Variants in VPS13D observed in about 807,000 individuals in gnomAD.
VPS13D encodes intermembrane lipid transfer protein VPS13D.
Under a neutral mutation model 461.9 loss-of-function variants are expected in VPS13D, and 187 were observed. The ratio of observed to expected loss-of-function variants is 0.40; its 90% confidence interval spans 0.36 to 0.46. The LOEUF (loss-of-function observed/expected upper bound fraction) is 0.46, where lower values mean the gene tolerates loss of function less well. VPS13D is among the 20% of genes least tolerant of loss of function. The pLI, the probability that VPS13D is intolerant of heterozygous loss-of-function variation, is 0.60. For missense variants in VPS13D, 4,711 were observed against 5,364.9 expected, an observed-to-expected ratio of 0.88 and a Z score of 3.81; for synonymous variants, 1,951 against 1,986.3, an observed-to-expected ratio of 0.98 and a Z score of 0.47.
intron 65 of VPS13D, among the ~76,000 whole-genome samples, chr1:12,427,701 G>A (rs1274558901): frequency 2.6e-5 from 4 of 152,186 alleles, no homozygotes; most frequent in Non-Finnish European, 4.4e-5. Context: ...CAGCGTCTGT[G>A]GATGGATGGT....
At chr1:12,333,909 A>G (rs1221701344) in intron 38 of VPS13D, among the ~76,000 whole-genome samples, 1 of 152,218 alleles carries the variant, frequency 6.6e-6, no homozygotes, top group Non-Finnish European at 1.5e-5. Context: ...AAACTGCTCT[A>G]TTGTTACAGT....
chr1:12,308,129 C>G (rs1440227323), intron 26 of VPS13D, among the ~76,000 whole-genome samples: 1 of 152,120 alleles, frequency 6.6e-6, no homozygotes, highest in Admixed American at 6.5e-5. Context: ...CATCAATCCC[C>G]CAGCCTCAGT....
intron 60 of VPS13D, among the ~76,000 whole-genome samples, chr1:12,394,734 G>T (rs1316649472): frequency 2.0e-5 from 3 of 151,980 alleles, no homozygotes; most frequent in Non-Finnish European, 4.4e-5. Flanking sequence ...CTTCCTGTAC[G>T]TTAAACCAAA....
chr1:12,331,542 C>T (rs1643331815), intron 37 of VPS13D, among the ~76,000 whole-genome samples: 2 of 150,698 alleles, frequency 1.3e-5, no homozygotes, highest in Non-Finnish European at 3.0e-5. Flanking sequence ...CCCATCTCTA[C>T]TAAAAAAAAA....
intron 36 of VPS13D, among the ~76,000 whole-genome samples, chr1:12,329,097 T>A (rs751567474): frequency 4.8e-4 from 73 of 152,318 alleles, no homozygotes; most frequent in Admixed American, 1.8e-3. Context: ...ACTAATTAGT[T>A]GATTTCTTAT....
chr1:12,335,656 C>A, intron 38 of VPS13D, 49 bp from the exon 39 acceptor site: 1 of 1,559,372 alleles, frequency 6.4e-7, no homozygotes, highest in African/African-American at 1.4e-5. Flanking sequence ...TTGACTCGAA[C>A]CCTCCATCTT....
intron 67 of VPS13D, among the ~76,000 whole-genome samples, chr1:12,465,927 G>C (rs1265401237): frequency 6.6e-6 from 1 of 152,108 alleles, no homozygotes; most frequent in Non-Finnish European, 1.5e-5. Flanking sequence ...ACGAGGTCAA[G>C]AGATCGAGAC....
intron 35 of VPS13D, among the ~76,000 whole-genome samples, chr1:12,326,531 T>C (rs1374533124): frequency 6.6e-6 from 1 of 152,026 alleles, no homozygotes; most frequent in Non-Finnish European, 1.5e-5. Context: ...GAGACAGGTC[T>C]TGCTATGTTG....
At chr1:12,396,029 AGTTC>A (rs1644494705) in intron 60 of VPS13D, among the ~76,000 whole-genome samples, 7 of 119,804 alleles carry the variant, frequency 5.8e-5, no homozygotes, top group Non-Finnish European at 9.7e-5. Flanking sequence ...ATATATATAT[AGTTC>A]TTTAAGATCA....
At chr1:12,316,107 G>A (rs1642880316) in intron 30 of VPS13D, among the ~76,000 whole-genome samples, 2 of 152,126 alleles carry the variant, frequency 1.3e-5, no homozygotes, top group South Asian at 4.1e-4. Context: ...GAGCCACCGT[G>A]CCCGGCCGAG....
chr1:12,338,282 T>G lies in VPS13D; in HGVS notation c.8603T>G (p.Leu2868Arg). The change falls in exon 40 of 70, where the codon CTA becomes CGA. Residue 2868 changes from leucine to arginine, a missense_variant. By Grantham distance (102) the Leu-to-Arg change is moderately radical. Around this residue, in one of 3 missense-constraint regions of VPS13D, gnomAD observed 4,411 missense variants for 4,937.8 expected, o/e 0.89. Coordinates refer to ENST00000620676, the MANE Select transcript of VPS13D (RefSeq NM_015378.4). ...AGGAGTACAGCCAGTCTGACTAACC[T>G]AGAGCACCAGATCTATGCTAGAGGT... The part of the protein sequence containing the change: ...RTRSTASLTN[L>R]EHQIYARAEV... 1 of 1,613,750 alleles carries G rather than the reference T, an allele frequency of 6.2e-7. No homozygotes were observed. The highest frequency in any genetic ancestry group is 8.5e-7 in the Non-Finnish European group (1 of 1,179,724).
At chr1:12,347,457 A>C (rs1643700688) in intron 44 of VPS13D, among the ~76,000 whole-genome samples, 1 of 152,204 alleles carries the variant, frequency 6.6e-6, no homozygotes, top group South Asian at 2.1e-4. Flanking sequence ...GGTGTGAGCC[A>C]ACGCGCCCAG....
intron 19 of VPS13D, 22 bp downstream of exon 19, chr1:12,278,060 T>C: frequency 1.3e-6 from 2 of 1,576,888 alleles, no homozygotes; most frequent in Non-Finnish European, 1.7e-6. Flanking sequence ...CAGTCTTTTG[T>C]TCTATTTTGT....
Position 12,495,407 on chromosome 1 carries a change from C to T in VPS13D, c.12663-2093C>T, listed in dbSNP as rs1182859617. 6.6e-6 allele frequency among the ~76,000 whole-genome samples: 1 copy of T among 152,188 alleles called. No homozygotes were observed. The highest frequency in any genetic ancestry group is 1.5e-5 in the Non-Finnish European group (1 of 68,046). ...TCTCCTGACCCTGTGATCCATCCGC[C>T]TCGGCCTCCCAAAGTGCTGGGATTA... On this transcript the variant is annotated intron_variant, in intron 67 of 69. Transcript: ENST00000620676. This position sits in a 1 kb window ranked among gnomAD's most constrained non-coding sequence, Gnocchi z 4.0.
intron 6 of VPS13D, 77 bp from the exon 7 acceptor site, chr1:12,253,645 C>A: frequency 8.6e-7 from 1 of 1,156,398 alleles, no homozygotes; most frequent in South Asian, 1.3e-5. Context: ...TGATTCTTTA[C>A]AAATGGTTTG....
At chr1:12,482,068 C>T (rs1235522039) in intron 67 of VPS13D, among the ~76,000 whole-genome samples, 1 of 152,186 alleles carries the variant, frequency 6.6e-6, no homozygotes, top group Admixed American at 6.5e-5. Context: ...TGTTCAGGGT[C>T]AGAAAGCAAG....
In VPS13D at chr1:12,269,912, C is replaced by T. The variant is rs916931638; in HGVS notation, c.1972+1036C>T. 2.6e-5 allele frequency among the ~76,000 whole-genome samples: 4 copies of T among 152,158 alleles called. No homozygotes were observed. The South Asian group carries it at 8.3e-4, about 32-fold the overall frequency. On this transcript the variant is annotated intron_variant, in intron 16 of 69. Coordinates refer to ENST00000620676, the MANE Select transcript of VPS13D (RefSeq NM_015378.4). ...CCTGTAATCCTAGAACTTTGAGAGT[C>T]GAGGCTGGGGGATTGCTTGAGCCCA...
intron 5 of VPS13D, among the ~76,000 whole-genome samples, chr1:12,247,416 C>CAAA (rs756459129): frequency 1.1e-5 from 1 of 90,970 alleles, no homozygotes. Context: ...GACTCCATCT[C>CAAA]AAAAAAAAAA....
chr1:12,356,189 C>T (rs949057111), intron 48 of VPS13D, 99 bp downstream of exon 48: 212 of 1,440,182 alleles, frequency 1.5e-4, no homozygotes, highest in Non-Finnish European at 8.6e-5. Context: ...AAATAGATTA[C>T]TTCAACAGTC....
Sources: allele counts gnomAD v4.1 joint callset (sites outside exome capture counted in the v4.1 genomes callset), GRCh38; gene constraint gnomAD v4.1.1; regional missense constraint gnomAD v4.1.1; non-coding constraint Gnocchi (gnomAD v3.1); transcripts MANE v1.5; gene names NCBI Gene and HGNC (gene_info 2026-07-23, HGNC 2026-07-21).